The following SGCZ variants were observed in gnomAD, a reference collection of about 807,000 sequenced individuals.
SGCZ encodes the protein sarcoglycan zeta, also known as zeta-sarcoglycan.
A neutral mutation model predicts 41.3 loss-of-function variants in SGCZ; 40 were observed. The observed-to-expected ratio is 0.97, with a 90% CI of 0.75 to 1.26. SGCZ has a LOEUF of 1.26. Among genes scored for constraint, SGCZ ranks in the 50% most tolerant of loss-of-function variants. The pLI is 0.00. For synonymous variants in SGCZ, 206 were observed against 137.5 expected (o/e 1.50, Z -3.49); for missense variants, 552 against 369.8 (o/e 1.49, Z -4.04).
chr8:14,390,601 T>C (rs1804736467), intron 2 of SGCZ, among the ~76,000 whole-genome samples: 1 of 151,940 alleles, frequency 6.6e-6, no homozygotes, highest in African/African-American at 2.4e-5. Context: ...ATGGTAAGCA[T>C]TGAAACAGTA....
At position 15,089,698 on chromosome 8, in the gene SGCZ, T is replaced by C. The variant is rs77196563; in HGVS notation, c.39+147887A>G. 8.3e-3 allele frequency among the ~76,000 whole-genome samples: 1,258 copies of C among 152,286 alleles called. 16 individuals are homozygous for C. The highest frequency in any genetic ancestry group is 0.029 in the African/African-American group (1,215 of 41,568). On this transcript the variant is annotated intron_variant, in intron 1 of 7. Transcript: ENST00000382080. ...CCACAGCTCATAATCCTAAAACTCA[T>C]CTCTTAAGTGTATTTTGGGGACTGA...
At chr8:15,115,035 A>T (rs1807216345) in intron 1 of SGCZ, among the ~76,000 whole-genome samples, 1 of 152,154 alleles carries the variant, frequency 6.6e-6, no homozygotes. Context: ...AAACTAATAC[A>T]CTCTCAAATC....
chr8:14,942,485 A>G (rs1800309130), intron 1 of SGCZ, among the ~76,000 whole-genome samples: 1 of 152,120 alleles, frequency 6.6e-6, no homozygotes, highest in African/African-American at 2.4e-5. Context: ...TATAAATTGG[A>G]GAATAAATCA....
rs1009173996 is a variant in SGCZ, at chr8:14,309,630, GCTA to G, written c.336+14470_336+14472del. On this transcript the variant is annotated intron_variant, in intron 3 of 7. Transcript: ENST00000382080. Reference sequence around the variant, plus strand: ...TGGTTATCAGTCCCACGCAGACACAGCTACTAAGAGCGGCTCCACCACTAAAAA... The same window carrying G: ...TGGTTATCAGTCCCACGCAGACACAGCTAAGAGCGGCTCCACCACTAAAAA... 4 of 1,610,752 alleles carry G rather than the reference GCTA, an allele frequency of 2.5e-6. No individual in the cohort carries two copies. The African/African-American group carries it at 5.3e-5, about 22-fold the overall frequency.
intron 1 of SGCZ, among the ~76,000 whole-genome samples, chr8:14,591,394 T>C (rs1040100113): frequency 1.3e-5 from 2 of 152,070 alleles, no homozygotes. Context: ...ATCATAATGC[T>C]CATTTCTAGA....
intron 2 of SGCZ, among the ~76,000 whole-genome samples, chr8:14,474,470 T>C (rs1801302418): frequency 6.6e-6 from 1 of 152,190 alleles, no homozygotes; most frequent in Admixed American, 6.5e-5. Context: ...ACCTATTTGA[T>C]TAGTATCAGA....
chr8:14,261,682 G>C (rs969873639), intron 3 of SGCZ, among the ~76,000 whole-genome samples: 3 of 152,076 alleles, frequency 2.0e-5, no homozygotes, highest in African/African-American at 4.8e-5. Context: ...TACCAACCAA[G>C]CAATGTAAAG....
chr8:14,369,126 A>G (rs561652063), intron 2 of SGCZ, among the ~76,000 whole-genome samples: 1 of 151,896 alleles, frequency 6.6e-6, no homozygotes. Context: ...ATTAACACCT[A>G]TAGTGATATT....
At chr8:14,533,130 G>A (rs1803186859) in intron 2 of SGCZ, among the ~76,000 whole-genome samples, 1 of 151,788 alleles carries the variant, frequency 6.6e-6, no homozygotes, top group Non-Finnish European at 1.5e-5. Context: ...ATCTCCTAAT[G>A]CTATCCTTCC....
intron 1 of SGCZ, among the ~76,000 whole-genome samples, chr8:14,714,214 G>T (rs549436176): frequency 6.6e-6 from 1 of 151,904 alleles, no homozygotes; most frequent in Non-Finnish European, 1.5e-5. Flanking sequence ...TGATCTGCCC[G>T]TCTCGGCCTC....
In SGCZ at chr8:14,457,433, A is replaced by AG. The variant is rs1554520736; in HGVS notation, c.234+97298dup. On this transcript the variant is annotated intron_variant, in intron 2 of 7. Transcript: ENST00000382080. ...CCGCTACTTAGCAGACCGGGAAAAGAGGGGGTCTCCCTTTCCCTGGGGGAG... is the reference window on the plus strand; with the variant it reads ...CCGCTACTTAGCAGACCGGGAAAAGAGGGGGGTCTCCCTTTCCCTGGGGGAG... Among the ~76,000 whole-genome samples the AG allele has an allele frequency of 7.8e-4, 119 of 152,266 alleles. 1 individual carries two copies. In the Middle Eastern group the frequency reaches 0.02, roughly 26 times the overall value.
At chr8:14,331,196 G>C (rs1802307274) in intron 2 of SGCZ, among the ~76,000 whole-genome samples, 1 of 151,692 alleles carries the variant, frequency 6.6e-6, no homozygotes, top group African/African-American at 2.4e-5. Flanking sequence ...AAAATAAAAG[G>C]AATACATAAA....
At chr8:14,153,678 T>C (rs965914047) in intron 5 of SGCZ, among the ~76,000 whole-genome samples, 1 of 152,164 alleles carries the variant, frequency 6.6e-6, no homozygotes, top group Non-Finnish European at 1.5e-5. Flanking sequence ...AGCCAACTGA[T>C]ACTCAAGGGA....
intron 1 of SGCZ, among the ~76,000 whole-genome samples, chr8:14,606,138 A>G (rs537265270): frequency 1.2e-4 from 18 of 152,162 alleles, no homozygotes; most frequent in African/African-American, 4.1e-4. Context: ...TATAGCCATG[A>G]CTTCACTAAT....
intron 1 of SGCZ, among the ~76,000 whole-genome samples, chr8:14,874,717 G>C (rs960750576): frequency 3.4e-4 from 51 of 152,076 alleles, no homozygotes; most frequent in Non-Finnish European, 5.0e-4. Flanking sequence ...ACAGGTGCCT[G>C]AGTATTCCTC....
chr8:14,544,396 A>G (rs1346663835), intron 2 of SGCZ, among the ~76,000 whole-genome samples: 2 of 152,122 alleles, frequency 1.3e-5, no homozygotes, highest in African/African-American at 4.8e-5. Context: ...TTATGGAACA[A>G]GGGAAGACAA....
chr8:14,149,568 A>T (rs1261647435), intron 5 of SGCZ, among the ~76,000 whole-genome samples: 2 of 151,900 alleles, frequency 1.3e-5, no homozygotes, highest in African/African-American at 4.8e-5. Flanking sequence ...GATCGGAAGA[A>T]TCAATGTTGT....
At chr8:14,938,522 A>C (rs1800159391) in intron 1 of SGCZ, among the ~76,000 whole-genome samples, 1 of 152,154 alleles carries the variant, frequency 6.6e-6, no homozygotes, top group Non-Finnish European at 1.5e-5. Context: ...AGCTTACTTT[A>C]TTATAAGAAC....
intron 2 of SGCZ, among the ~76,000 whole-genome samples, chr8:14,365,611 G>T (rs968486839): frequency 1.5e-4 from 23 of 152,072 alleles, no homozygotes; most frequent in Non-Finnish European, 2.9e-5. Context: ...AAAGTTTAAG[G>T]TTAATGTTAA....
Sources: gnomAD v4.1 joint callset for allele counts (sites outside exome capture counted in the v4.1 genomes callset) on GRCh38, gnomAD v4.1.1 for gene constraint, MANE v1.5 for transcripts, NCBI Gene and HGNC (gene_info 2026-07-23, HGNC 2026-07-21) for gene names.